The following CNR2 variants were observed in gnomAD, a reference collection of about 807,000 sequenced individuals.
CNR2 encodes cannabinoid receptor 2 (macrophage).
For missense variants in CNR2, 379 were observed against 439.9 expected (o/e 0.86, Z 1.24); for synonymous variants, 172 against 182.2 (o/e 0.94, Z 0.45).
At chr1:23,890,258 C>CAAAAAAA (rs35692845) in intron 1 of CNR2, among the ~76,000 whole-genome samples, 4 of 74,978 alleles carry the variant, frequency 5.3e-5, no homozygotes, top group African/African-American at 1.0e-4. Flanking sequence ...GACCTTGTCT[C>CAAAAAAA]AAAAAAAAAA....
At chr1:23,912,441 C>T (rs1176527357) in intron 1 of CNR2, among the ~76,000 whole-genome samples, 1 of 152,234 alleles carries the variant, frequency 6.6e-6, no homozygotes, top group Non-Finnish European at 1.5e-5. Context: ...TTGCAGTCCA[C>T]ACCTCGTAAG....
chr1:23,895,615 T>C (rs561697409), intron 1 of CNR2, among the ~76,000 whole-genome samples: 1 of 152,248 alleles, frequency 6.6e-6, no homozygotes, highest in East Asian at 1.9e-4. Flanking sequence ...CAAGAGATTC[T>C]CCTCCCTCAG....
chr1:23,901,763 A>G (rs974250300), intron 1 of CNR2: 12 of 1,467,580 alleles, frequency 8.2e-6, no homozygotes, highest in Middle Eastern at 3.4e-4. Flanking sequence ...CTTGAGCTCA[A>G]TCTTCACGCT....
At chr1:23,893,100 C>T (rs12750971) in intron 1 of CNR2, among the ~76,000 whole-genome samples, 115,545 of 152,056 alleles carry the variant, frequency 0.76, 44,484 homozygotes, top group South Asian at 0.82. Flanking sequence ...GTCCCTTTCT[C>T]TAATGTCTAC....
chr1:23,876,790 G>C (rs1324193333), intron 1 of CNR2, among the ~76,000 whole-genome samples: 1 of 148,106 alleles, frequency 6.8e-6, no homozygotes, highest in Non-Finnish European at 1.5e-5. Flanking sequence ...AGCCGAGACT[G>C]TGCCATTGCA....
At chr1:23,904,429 G>A (rs1026029790) in intron 1 of CNR2, among the ~76,000 whole-genome samples, 2 of 152,120 alleles carry the variant, frequency 1.3e-5, no homozygotes, top group Non-Finnish European at 2.9e-5. Context: ...GCCTGGTGCT[G>A]CTTCCAAGTG....
chr1:23,902,683 C>T, intron 1 of CNR2: 1 of 1,593,856 alleles, frequency 6.3e-7, no homozygotes, highest in Admixed American at 1.7e-5. Flanking sequence ...ACAAAGTGCA[C>T]GTCGGCCACG....
At chr1:23,897,807 TTTAA>T (rs1640309674) in intron 1 of CNR2, among the ~76,000 whole-genome samples, 4 of 152,238 alleles carry the variant, frequency 2.6e-5, no homozygotes, top group Admixed American at 1.3e-4. Flanking sequence ...GGCAAATCTC[TTTAA>T]TTGTCTGGTT....
chr1:23,882,534 G>A (rs971523458), intron 1 of CNR2, among the ~76,000 whole-genome samples: 24 of 151,918 alleles, frequency 1.6e-4, no homozygotes, highest in African/African-American at 5.6e-4. Context: ...TATCAGGTGC[G>A]GTGGCTTACA....
intron 1 of CNR2, among the ~76,000 whole-genome samples, chr1:23,883,346 G>A (rs914359600): frequency 2.6e-5 from 4 of 152,190 alleles, no homozygotes; most frequent in Non-Finnish European, 4.4e-5. Flanking sequence ...CCGGGAATAC[G>A]TTCTGGAGGA....
Position 23,874,670 on chromosome 1 carries a change from G to A in CNR2, c.948C>T (p.His316=), listed in dbSNP as rs1297078175. ...IRSSAHHCLA[H]WKKCVRGLGS... is the part of the protein sequence containing the mutation. ...CAAGGCCCCTCACACACTTCTTCCA[G>A]TGAGCCAGGCAGTGATGGGCAGAGG... The change falls in exon 2 of 2, where the codon CAC becomes CAT. Residue 316 remains histidine, a synonymous_variant. Coordinates refer to ENST00000374472, the MANE Select transcript of CNR2 (RefSeq NM_001841.3). 1.2e-6 allele frequency: 2 copies of A among 1,614,064 alleles called. No homozygotes were observed. Among genetic ancestry groups the A allele is most frequent in the African/African-American group, 1.3e-5 (1 of 74,914 alleles).
intron 1 of CNR2, among the ~76,000 whole-genome samples, chr1:23,880,061 C>T (rs988941527): frequency 3.3e-5 from 5 of 152,068 alleles, no homozygotes; most frequent in African/African-American, 1.2e-4. Flanking sequence ...CCTGGATCAC[C>T]TTTCCCTCAA....
chr1:23,896,281 G>A (rs2501404), intron 1 of CNR2, among the ~76,000 whole-genome samples: 124,454 of 152,240 alleles, frequency 0.82, 50,977 homozygotes, highest in Admixed American at 0.84. Flanking sequence ...ACTGAGTTCC[G>A]ATCTTGGCTC....
At chr1:23,897,481 A>ATTTTTTTTTTTTTTTTTTTTTTT (rs35662001) in intron 1 of CNR2, among the ~76,000 whole-genome samples, 1 of 149,904 alleles carries the variant, frequency 6.7e-6, no homozygotes, top group African/African-American at 2.5e-5. Context: ...TGTTAATAGA[A>ATTTTTTTTTTTTTTTTTTTTTTT]TTTTTTTTTT....
intron 1 of CNR2, among the ~76,000 whole-genome samples, chr1:23,891,346 C>A (rs938272384): frequency 2.6e-5 from 4 of 150,972 alleles, no homozygotes; most frequent in Non-Finnish European, 5.9e-5. Flanking sequence ...AGGCCAGGCA[C>A]GGTGGCTCAC....
chr1:23,872,486 T>A lies in CNR2; in HGVS notation c.*2049A>T, dbSNP rs879491227. ...GCAGCAATCTGATGCTACAGATAGC[T>A]AATATTATCCCTAATGAGCAATAAT... is the stretch of plus-strand genomic sequence containing the variant. On this transcript the variant is annotated 3_prime_UTR_variant, in exon 2 of 2. Transcript: ENST00000374472. The A allele has an allele frequency of 6.6e-6, 1 of 152,092 alleles. No individual in the cohort carries two copies. Among genetic ancestry groups the A allele is most frequent in the Non-Finnish European group, 1.5e-5 (1 of 68,034 alleles). The allele number at this position is 152,092 out of a possible 1,614,324, so 9.4% of individuals were successfully genotyped here.
At chr1:23,883,489 T>C (rs1444341106) in intron 1 of CNR2, among the ~76,000 whole-genome samples, 2 of 152,216 alleles carry the variant, frequency 1.3e-5, no homozygotes, top group African/African-American at 4.8e-5. Context: ...TACGAAGGAA[T>C]ACCACAAAGT....
At chr1:23,888,675 T>TA (rs1409804353) in intron 1 of CNR2, among the ~76,000 whole-genome samples, 2 of 151,806 alleles carry the variant, frequency 1.3e-5, no homozygotes, top group African/African-American at 4.8e-5. Flanking sequence ...GCTGCCTGAT[T>TA]AAAAAAGAAA....
At chr1:23,899,931 GAGAAAGAAAGGAA>G in intron 1 of CNR2, among the ~76,000 whole-genome samples, 1 of 5,792 alleles carries the variant, frequency 1.7e-4, no homozygotes, top group African/African-American at 2.2e-4. Flanking sequence ...GAGAAAGAAA[GAGAAAGAAAGGAA>G]AGAGAAAGAA....
Sources: gnomAD v4.1 joint callset for allele counts (sites outside exome capture counted in the v4.1 genomes callset) on GRCh38, gnomAD v4.1.1 for gene constraint, MANE v1.5 for transcripts, NCBI Gene and HGNC (gene_info 2026-07-23, HGNC 2026-07-21) for gene names.